The following HSD17B13 variants were observed in gnomAD, a reference collection of about 807,000 sequenced individuals.
HSD17B13 encodes hydroxysteroid 17-beta dehydrogenase 13, also known as 17-beta-hydroxysteroid dehydrogenase 13.
In HSD17B13, 26 loss-of-function variants were observed where a neutral mutation model predicts 31.1. The observed-to-expected ratio is 0.84, with a 90% CI of 0.61 to 1.16. The LOEUF (loss-of-function observed/expected upper bound fraction) is 1.16, where lower values mean the gene tolerates loss of function less well. Among genes scored for constraint, HSD17B13 ranks in the 50% most tolerant of loss-of-function variants. The pLI is 0.00. For synonymous variants in HSD17B13, 141 were observed against 133.7 expected (o/e 1.05, Z -0.38); for missense variants, 374 against 366.5 (o/e 1.02, Z -0.17).
chr4:87,309,289 C>T (rs1398800432), intron 6 of HSD17B13, among the ~76,000 whole-genome samples: 1 of 143,936 alleles, frequency 6.9e-6, no homozygotes. Flanking sequence ...GAGGCTGAGG[C>T]AGGAGAATCA....
chr4:87,313,835 T>C lies in HSD17B13; in HGVS notation c.683A>G (p.Asn228Ser), dbSNP rs1048748638. The change falls in exon 5 of 7, where the codon AAT becomes AGT. Residue 228 changes from asparagine to serine, a missense_variant. Asn to Ser is a conservative substitution (Grantham distance 46). Transcript: ENST00000328546. ...ATTTTGACCTTACCTTGTGCTTGGA[T>C]TTTTGGTGAACCCAGTATTCACAAA... ...PVFVNTGFTK[N>S]PSTRLWPVLE... The C allele has an allele frequency of 6.2e-7, 1 of 1,611,378 alleles. No individual in the cohort carries two copies. The highest frequency in any genetic ancestry group is 1.7e-5 in the Admixed American group (1 of 59,634).
At chr4:87,322,586 A>G (rs758377670) in intron 1 of HSD17B13, 46 bp downstream of exon 1, 6 of 1,340,888 alleles carry the variant, frequency 4.5e-6, no homozygotes, top group Admixed American at 3.4e-5. Flanking sequence ...CTTAAAATAC[A>G]TATCTTACTC....
chr4:87,322,707 C>T lies in HSD17B13; in HGVS notation c.135G>A (p.Gly45=). 6.2e-7 allele frequency: 1 copy of T among 1,614,160 alleles called. No individual in the cohort carries two copies. Among genetic ancestry groups the T allele is most frequent in the Non-Finnish European group, 8.5e-7 (1 of 1,180,026 alleles). ...AAGTAGTCTGCCTGCCTATTCCATGCCCAGCTCCAGTAATGAGAACAATCT... is the reference window on the plus strand; with the variant it reads ...AAGTAGTCTGCCTGCCTATTCCATGTCCAGCTCCAGTAATGAGAACAATCT... ...AGEIVLITGA[G]HGIGRQTTYE... The change falls in exon 1 of 7, where the codon GGG becomes GGA. Residue 45 remains glycine, a synonymous_variant. Coordinates refer to ENST00000328546, the MANE Select transcript of HSD17B13 (RefSeq NM_178135.5).
At chr4:87,305,905 T>C (rs1480051696) in intron 6 of HSD17B13, among the ~76,000 whole-genome samples, 2 of 152,180 alleles carry the variant, frequency 1.3e-5, no homozygotes, top group African/African-American at 2.4e-5. Flanking sequence ...AAACAGTAAC[T>C]TTATTAACGT....
At position 87,310,356 on chromosome 4, in the gene HSD17B13, T is replaced by C; in HGVS notation, c.699A>G (p.Leu233=). The part of the protein sequence containing the change: ...TGFTKNPSTR[L]WPVLETDEVV... ...CTTCATCTGTCTCCAATACAGGCCA[T>C]AATCTGTGATTAAAAAGAGGAAAAT... The change falls in exon 6 of 7, where the codon TTA becomes TTG. Residue 233 remains leucine, a synonymous_variant. Coordinates refer to ENST00000328546, the MANE Select transcript of HSD17B13 (RefSeq NM_178135.5). 4 of 1,457,700 alleles carry C rather than the reference T, an allele frequency of 2.7e-6. No individual in the cohort carries two copies. The highest frequency in any genetic ancestry group is 1.5e-5 in the African/African-American group (1 of 68,132). The allele number at this position is 1,457,700 out of a possible 1,614,324, so 90.3% of individuals were successfully genotyped here.
chr4:87,307,524 T>C (rs1366618117), intron 6 of HSD17B13, among the ~76,000 whole-genome samples: 3 of 152,168 alleles, frequency 2.0e-5, no homozygotes, highest in Non-Finnish European at 4.4e-5. Context: ...TTTAAAAAAT[T>C]TATTTTTCCG....
In HSD17B13 at chr4:87,312,820, G is replaced by A. The variant is rs536918546; in HGVS notation, c.695+1003C>T. Among the ~76,000 whole-genome samples, 4 of 151,884 alleles carry A rather than the reference G, an allele frequency of 2.6e-5. No homozygotes were observed. The East Asian group carries it at 7.8e-4, about 30-fold the overall frequency. On this transcript the variant is annotated intron_variant, in intron 5 of 6. Coordinates refer to ENST00000328546, the MANE Select transcript of HSD17B13 (RefSeq NM_178135.5). The stretch of plus-strand genomic sequence containing the variant: ...CACTCCTGTAATCCCAGCATTTTAG[G>A]AGGCCAAGGCAGGTAGGACACCTGA...
chr4:87,310,366 T>A lies in HSD17B13; in HGVS notation c.696-7A>T, dbSNP rs1223724244. The A allele has an allele frequency of 2.1e-6, 3 of 1,435,788 alleles. No homozygotes were observed. Among genetic ancestry groups the A allele is most frequent in the Non-Finnish European group, 2.7e-6 (3 of 1,092,204 alleles). 88.9% of individuals were successfully genotyped at this position (1,435,788 alleles called of 1,614,324 possible). A position where few individuals can be genotyped will look rare whatever the true frequency, so the allele number is the denominator to read the frequency against. On this transcript the variant is annotated splice_region_variant and splice_polypyrimidine_tract_variant and intron_variant, in intron 5 of 6. Transcript: ENST00000328546. ...CTCCAATACAGGCCATAATCTGTGA[T>A]TAAAAAGAGGAAAATATTATTTTTA... is the stretch of plus-strand genomic sequence containing the variant.
chr4:87,317,404 A>T lies in HSD17B13; in HGVS notation c.319-181T>A, dbSNP rs115628949. The stretch of plus-strand genomic sequence containing the variant: ...GGGAACACTGTCATAAAGGTGGGAT[A>T]AACTGTTCTTTTAACATCTAAATTT... On this transcript the variant is annotated intron_variant, in intron 2 of 6. Coordinates refer to ENST00000328546, the MANE Select transcript of HSD17B13 (RefSeq NM_178135.5). Among the ~76,000 whole-genome samples, 1,157 of 152,238 alleles carry T rather than the reference A, an allele frequency of 7.6e-3. 21 individuals carry two copies. Among genetic ancestry groups the T allele is most frequent in the African/African-American group, 0.027 (1,114 of 41,516 alleles).
chr4:87,309,449 T>C (rs1388434816), intron 6 of HSD17B13, among the ~76,000 whole-genome samples: 3 of 142,516 alleles, frequency 2.1e-5, no homozygotes, highest in Admixed American at 6.9e-5. Context: ...TGACAAAATA[T>C]GTGCAAGACT....
intron 1 of HSD17B13, among the ~76,000 whole-genome samples, chr4:87,319,939 G>A (rs1255274000): frequency 1.3e-5 from 2 of 152,184 alleles, no homozygotes; most frequent in Non-Finnish European, 2.9e-5. Flanking sequence ...ATATTATAAG[G>A]TTTTAAAAAT....
At position 87,312,338 on chromosome 4, in the gene HSD17B13, C is replaced by T. The variant is rs1479741394; in HGVS notation, c.695+1485G>A. On this transcript the variant is annotated intron_variant, in intron 5 of 6. Transcript: ENST00000328546. ...TTGTCAGCATAATTTCACAAAGTCC[C>T]TGACTCTGTGACAATGTGCAGCTCT... Among the ~76,000 whole-genome samples the T allele has an allele frequency of 5.9e-5, 9 of 152,064 alleles. 1 individual carries two copies. Among genetic ancestry groups the T allele is most frequent in the African/African-American group, 1.9e-4 (8 of 41,394 alleles).
At chr4:87,307,565 T>A (rs1734420232) in intron 6 of HSD17B13, among the ~76,000 whole-genome samples, 1 of 152,270 alleles carries the variant, frequency 6.6e-6, no homozygotes, top group South Asian at 2.1e-4. Context: ...CAGGCTGGAG[T>A]GCAGTGGCAC....
chr4:87,314,033 G>A, intron 4 of HSD17B13, 73 bp from the exon 5 acceptor site: 1 of 1,264,898 alleles, frequency 7.9e-7, no homozygotes. Flanking sequence ...TGAGAAGGCG[G>A]TATCATTTGG....
At position 87,313,852 on chromosome 4, in the gene HSD17B13, A is replaced by G; in HGVS notation, c.666T>C (p.Asn222=). 1 of 1,612,660 alleles carries G rather than the reference A, an allele frequency of 6.2e-7. No individual in the cohort carries two copies. The highest frequency in any genetic ancestry group is 8.5e-7 in the Non-Finnish European group (1 of 1,179,328). Residue 222 remains asparagine (N), a synonymous_variant, in exon 5 of 7, where the codon AAT becomes AAC. Transcript: ENST00000328546. The stretch of plus-strand genomic sequence containing the variant: ...TGCTTGGATTTTTGGTGAACCCAGT[A>G]TTCACAAAAACTGGGCAGAGACATG... ...KTSCLCPVFV[N]TGFTKNPSTR...
intron 2 of HSD17B13, 105 bp downstream of exon 2, chr4:87,318,223 TA>T: frequency 1.2e-6 from 1 of 839,644 alleles, no homozygotes; most frequent in Non-Finnish European, 2.0e-6. Context: ...AGTTAGCAGC[TA>T]AAATCCAATT....
intron 2 of HSD17B13, 79 bp downstream of exon 2, chr4:87,318,250 T>A: frequency 9.3e-7 from 1 of 1,071,916 alleles, no homozygotes; most frequent in Non-Finnish European, 1.4e-6. Context: ...CAGGCAGTCA[T>A]AAAGACCTTT....
At position 87,317,087 on chromosome 4, in the gene HSD17B13, C is replaced by G; in HGVS notation, c.450+5G>C. ...AAATCAGAAATGTTTCTGACTCACA[C>G]TCACCCAAAAATGTCCTAGGATGTT... On this transcript the variant is annotated splice_donor_5th_base_variant and intron_variant, in intron 3 of 6. Coordinates refer to ENST00000328546, the MANE Select transcript of HSD17B13 (RefSeq NM_178135.5). 1 of 1,613,804 alleles carries G rather than the reference C, an allele frequency of 6.2e-7. No homozygotes were observed. Among genetic ancestry groups the G allele is most frequent in the Non-Finnish European group, 8.5e-7 (1 of 1,179,754 alleles).
chr4:87,313,793 A>G (rs751990890), intron 5 of HSD17B13, 30 bp downstream of exon 5: 2 of 1,596,362 alleles, frequency 1.3e-6, no homozygotes, highest in East Asian at 4.5e-5. Flanking sequence ...ATCATACCAC[A>G]TACCCATTCT....
Sources: allele counts gnomAD v4.1 joint callset (sites outside exome capture counted in the v4.1 genomes callset), GRCh38; gene constraint gnomAD v4.1.1; transcripts MANE v1.5; gene names NCBI Gene and HGNC (gene_info 2026-07-23, HGNC 2026-07-21).